MELK: variants seen among roughly 807,000 people sequenced by gnomAD.
MELK encodes maternal embryonic leucine zipper kinase, also known as pEg3 kinase.
Under a neutral mutation model 85.0 loss-of-function variants are expected in MELK, and 81 were observed. The ratio of observed to expected loss-of-function variants is 0.95; its 90% CI spans 0.80 to 1.15. The LOEUF (loss-of-function observed/expected upper bound fraction) is 1.15, where lower values mean the gene tolerates loss of function less well. Ranked by LOEUF, MELK falls within the 50% of genes most tolerant of loss-of-function variation. MELK has a pLI of 0.00. For missense variants in MELK, 754 were observed against 777.5 expected (o/e 0.97, Z 0.36); for synonymous variants, 252 against 265.0 (o/e 0.95, Z 0.48).
At chr9:36,595,387 C>T (rs760251013) in intron 5 of MELK, among the ~76,000 whole-genome samples, 40 of 152,030 alleles carry the variant, frequency 2.6e-4, no homozygotes, top group Non-Finnish European at 3.1e-4. Context: ...CTGCCCACCT[C>T]GGCCTCCCAA....
intron 1 of MELK, among the ~76,000 whole-genome samples, chr9:36,580,599 T>C (rs1006140762): frequency 6.6e-6 from 1 of 151,528 alleles, no homozygotes; most frequent in African/African-American, 2.4e-5. Flanking sequence ...ATTACAGGTG[T>C]GAGCCACCTT....
chr9:36,594,614 C>T lies in MELK; in HGVS notation c.262-14C>T. On this transcript the variant is annotated splice_polypyrimidine_tract_variant and intron_variant, in intron 4 of 17. Coordinates refer to ENST00000298048, the MANE Select transcript of MELK (RefSeq NM_014791.4). ...TAAGTTGTAACAATATCTGTGATTCCATTGCTGTTGAAGTACTGCCCTGGA... is the reference window on the plus strand; with the variant it reads ...TAAGTTGTAACAATATCTGTGATTCTATTGCTGTTGAAGTACTGCCCTGGA... 1 of 1,605,658 alleles carries T rather than the reference C, an allele frequency of 6.2e-7. No individual in the cohort carries two copies. Among genetic ancestry groups the T allele is most frequent in the Non-Finnish European group, 8.5e-7 (1 of 1,176,960 alleles).
intron 7 of MELK, among the ~76,000 whole-genome samples, chr9:36,606,302 T>C (rs532838836): frequency 2.6e-4 from 38 of 147,530 alleles, no homozygotes; most frequent in African/African-American, 9.2e-4. Flanking sequence ...GTGTATATAA[T>C]ATATACATAT....
chr9:36,658,509 A>G (rs1415417985), intron 13 of MELK, among the ~76,000 whole-genome samples: 3 of 151,788 alleles, frequency 2.0e-5, no homozygotes, highest in Non-Finnish European at 4.4e-5. Context: ...CTTTATTTAT[A>G]CTCTCTATTT....
chr9:36,656,636 C>CT (rs926274072), intron 12 of MELK, among the ~76,000 whole-genome samples: 73 of 147,040 alleles, frequency 5.0e-4, no homozygotes, highest in African/African-American at 1.1e-3. Flanking sequence ...TTTTTTCTTT[C>CT]TTTTTTTTTT....
intron 8 of MELK, among the ~76,000 whole-genome samples, chr9:36,629,000 G>A (rs1446277910): frequency 6.6e-6 from 1 of 151,602 alleles, no homozygotes. Flanking sequence ...CCTAGTAGGT[G>A]GGACTACAGG....
chr9:36,607,277 A>G (rs539281003), intron 7 of MELK, among the ~76,000 whole-genome samples: 1 of 152,240 alleles, frequency 6.6e-6, no homozygotes, highest in Admixed American at 6.5e-5. Context: ...ATCATGTCCA[A>G]TCCAGCCCAG....
chr9:36,589,768 T>C, intron 4 of MELK, 116 bp downstream of exon 4: 1 of 724,692 alleles, frequency 1.4e-6, no homozygotes, highest in Non-Finnish European at 2.3e-6. Flanking sequence ...ACCTGTTTTG[T>C]TCCATTTGTA....
chr9:36,595,427 C>T lies in MELK; in HGVS notation c.405+656C>T, dbSNP rs563844488. On this transcript the variant is annotated intron_variant, in intron 5 of 17. Coordinates refer to ENST00000298048, the MANE Select transcript of MELK (RefSeq NM_014791.4). ...CTGGGATTACAGGTGTGATCCACCG[C>T]GCCCGGCCAGGCCAGTCTGGTCTTG... Among the ~76,000 whole-genome samples the T allele has an allele frequency of 9.2e-5, 14 of 152,046 alleles. No homozygotes were observed. The South Asian group carries it at 1.7e-3, about 18-fold the overall frequency.
intron 12 of MELK, among the ~76,000 whole-genome samples, chr9:36,653,246 A>G (rs959103140): frequency 2.0e-5 from 3 of 152,146 alleles, no homozygotes; most frequent in African/African-American, 7.2e-5. Flanking sequence ...TTCCAGGCTC[A>G]AGCAATCCTC....
chr9:36,644,732 G>A (rs540661182), intron 11 of MELK, among the ~76,000 whole-genome samples: 3 of 152,156 alleles, frequency 2.0e-5, no homozygotes, highest in East Asian at 3.9e-4. Context: ...TTTAAAAAAT[G>A]TTATTATAGA....
At position 36,594,778 on chromosome 9, in the gene MELK, G is replaced by T; in HGVS notation, c.405+7G>T. 1 of 1,611,536 alleles carries T rather than the reference G, an allele frequency of 6.2e-7. No individual in the cohort carries two copies. Among genetic ancestry groups the T allele is most frequent in the South Asian group, 1.1e-5 (1 of 90,286 alleles). Reference sequence around the variant, plus strand: ...TCACAGGGACCTCAAGCCAGTAAGTGACTGCATCACAGTTAGATGCTCACC... The same window carrying T: ...TCACAGGGACCTCAAGCCAGTAAGTTACTGCATCACAGTTAGATGCTCACC... On this transcript the variant is annotated splice_region_variant and intron_variant, in intron 5 of 17. Transcript: ENST00000298048.
chr9:36,649,260 G>A (rs1433383521), intron 11 of MELK, among the ~76,000 whole-genome samples: 1 of 151,802 alleles, frequency 6.6e-6, no homozygotes, highest in African/African-American at 2.4e-5. Context: ...GCCAGCGCGG[G>A]CAGATCATGA....
At chr9:36,596,148 A>G (rs1314511164) in intron 5 of MELK, among the ~76,000 whole-genome samples, 1 of 151,344 alleles carries the variant, frequency 6.6e-6, no homozygotes, top group Non-Finnish European at 1.5e-5. Flanking sequence ...TTTATACTGA[A>G]CTCGTCGATT....
chr9:36,642,253 A>G (rs1829821949), intron 10 of MELK, among the ~76,000 whole-genome samples: 1 of 152,118 alleles, frequency 6.6e-6, no homozygotes, highest in South Asian at 2.1e-4. Flanking sequence ...AAACATAAAC[A>G]TAACCTGAGG....
chr9:36,644,212 TGTG>T (rs1830025530), intron 11 of MELK, among the ~76,000 whole-genome samples: 1 of 1,964 alleles, frequency 5.1e-4, no homozygotes, highest in Non-Finnish European at 0.013. Context: ...CTGTGTTTTG[TGTG>T]TGTGTGTGTG....
At chr9:36,659,338 GTA>G (rs1290003314) in intron 13 of MELK, among the ~76,000 whole-genome samples, 1 of 152,134 alleles carries the variant, frequency 6.6e-6, no homozygotes, top group African/African-American at 2.4e-5. Context: ...TTCTTTGCAT[GTA>G]TATGTCTTGT....
intron 1 of MELK, among the ~76,000 whole-genome samples, chr9:36,578,173 A>G (rs1412721907): frequency 6.6e-6 from 1 of 151,102 alleles, no homozygotes; most frequent in Admixed American, 6.6e-5. Flanking sequence ...CATTTCAAAT[A>G]TTTGTCTTTT....
Position 36,574,565 on chromosome 9 carries a change from T to A in MELK, c.-39+1558T>A, listed in dbSNP as rs554484407. 4.0e-5 allele frequency among the ~76,000 whole-genome samples: 6 copies of A among 151,622 alleles called. No homozygotes were observed. The South Asian group carries it at 1.3e-3, about 32-fold the overall frequency. ...TTGCGGTGAGCCGAGATCTAGCTAC[T>A]GCACTCCAGCCTAGGTGACAGAACG... On this transcript the variant is annotated intron_variant, in intron 1 of 17. Coordinates refer to ENST00000298048, the MANE Select transcript of MELK (RefSeq NM_014791.4).
Sources: gnomAD v4.1 joint callset for allele counts (sites outside exome capture counted in the v4.1 genomes callset) on GRCh38, gnomAD v4.1.1 for gene constraint, MANE v1.5 for transcripts, NCBI Gene and HGNC (gene_info 2026-07-23, HGNC 2026-07-21) for gene names.